NDST4: variants seen among roughly 807,000 people sequenced by gnomAD.
NDST4 encodes the protein N-heparan sulfate sulfotransferase 4.
A neutral mutation model predicts 100.8 loss-of-function variants in NDST4; 63 were observed. That is an observed-to-expected ratio of 0.62 (90% CI 0.51 to 0.77). The LOEUF is 0.77. NDST4 is among the 30% of genes least tolerant of loss of function. The pLI, the probability that NDST4 is intolerant of heterozygous loss-of-function variation, is 0.00. For synonymous variants in NDST4, 377 were observed against 361.8 expected (o/e 1.04, Z -0.48); for missense variants, 943 against 1,018.4 (o/e 0.93, Z 1.01).
At chr4:114,921,125 C>A (rs773649278) in intron 6 of NDST4, among the ~76,000 whole-genome samples, 3 of 152,026 alleles carry the variant, frequency 2.0e-5, no homozygotes, top group Admixed American at 6.6e-5. Context: ...AAAATTAAAA[C>A]ACCTTAAAAC....
At chr4:114,922,643 ATTC>A (rs1725311663) in intron 6 of NDST4, among the ~76,000 whole-genome samples, 1 of 152,142 alleles carries the variant, frequency 6.6e-6, no homozygotes, top group Non-Finnish European at 1.5e-5. Context: ...CCTTGGTCAA[ATTC>A]TTTCTTCTGA....
At chr4:114,951,433 T>C (rs1725987997) in intron 4 of NDST4, among the ~76,000 whole-genome samples, 1 of 152,090 alleles carries the variant, frequency 6.6e-6, no homozygotes, top group African/African-American at 2.4e-5. Context: ...GGCTATTTCA[T>C]GCATCATCAA....
At position 114,877,674 on chromosome 4, in the gene NDST4, C is replaced by T. The variant is rs369300806; in HGVS notation, c.1537-6724G>A. Among the ~76,000 whole-genome samples the T allele has an allele frequency of 1.3e-4, 20 of 152,248 alleles. No individual in the cohort carries two copies. The East Asian group carries it at 3.1e-3, about 24-fold the overall frequency. On this transcript the variant is annotated intron_variant, in intron 6 of 13. Transcript: ENST00000264363. ...CACTTAGAAGGAGAAATAGGCCGGG[C>T]GCAATGGTTCACGCCTGTAATCCCA...
At chr4:115,064,982 A>T (rs1728914745) in intron 2 of NDST4, among the ~76,000 whole-genome samples, 1 of 152,152 alleles carries the variant, frequency 6.6e-6, no homozygotes. Context: ...CCATAAATCA[A>T]ACTCCTCATC....
At chr4:114,884,018 T>C (rs760199357) in intron 6 of NDST4, among the ~76,000 whole-genome samples, 6 of 152,050 alleles carry the variant, frequency 3.9e-5, no homozygotes, top group Non-Finnish European at 8.8e-5. Flanking sequence ...TCATATGAAA[T>C]AGAAGTCAAG....
chr4:115,099,313 C>A, intron 1 of NDST4, among the ~76,000 whole-genome samples: 1 of 151,740 alleles, frequency 6.6e-6, no homozygotes, highest in African/African-American at 2.4e-5. Context: ...AGAATTGATA[C>A]GTTTAACATT....
chr4:115,112,632 A>G (rs1729978274), intron 1 of NDST4, among the ~76,000 whole-genome samples: 1 of 151,934 alleles, frequency 6.6e-6, no homozygotes, highest in Non-Finnish European at 1.5e-5. Context: ...TATTTTATTA[A>G]TCAGGACAAA....
At chr4:114,929,109 CATCCATCTATCTATCTATCTATCT>C (rs1725454433) in intron 6 of NDST4, among the ~76,000 whole-genome samples, 2 of 112,890 alleles carry the variant, frequency 1.8e-5, no homozygotes, top group Non-Finnish European at 3.9e-5. Flanking sequence ...TCCATCCATC[CATCCATCTATCTATCTATCTATCT>C]ATCTATCTAT....
At chr4:115,006,833 T>G (rs1727430090) in intron 2 of NDST4, among the ~76,000 whole-genome samples, 1 of 152,018 alleles carries the variant, frequency 6.6e-6, no homozygotes, top group African/African-American at 2.4e-5. Flanking sequence ...TACAGCACCT[T>G]GGGAACACTT....
intron 7 of NDST4, among the ~76,000 whole-genome samples, chr4:114,865,061 A>ATTT (rs11433053): frequency 6.9e-6 from 1 of 145,052 alleles, no homozygotes; most frequent in African/African-American, 2.6e-5. Context: ...TAGCGCTATC[A>ATTT]TTTTTTTTTC....
chr4:115,068,089 C>A (rs1728990643), intron 2 of NDST4, among the ~76,000 whole-genome samples: 1 of 152,066 alleles, frequency 6.6e-6, no homozygotes, highest in African/African-American at 2.4e-5. Flanking sequence ...GCTGTTGGAA[C>A]TAACTGAAAC....
intron 2 of NDST4, among the ~76,000 whole-genome samples, chr4:115,002,499 A>G (rs1383025639): frequency 6.6e-6 from 1 of 152,154 alleles, no homozygotes; most frequent in Non-Finnish European, 1.5e-5. Context: ...CTTTAGTTTA[A>G]TTAGATCCCA....
intron 1 of NDST4, among the ~76,000 whole-genome samples, chr4:115,092,424 G>A (rs1236032471): frequency 6.6e-6 from 1 of 151,954 alleles, no homozygotes; most frequent in East Asian, 1.9e-4. Context: ...AACGTAAGAA[G>A]CATGTTCAAG....
intron 6 of NDST4, among the ~76,000 whole-genome samples, chr4:114,899,910 C>T (rs1258096304): frequency 6.6e-6 from 1 of 152,078 alleles, no homozygotes; most frequent in East Asian, 1.9e-4. Context: ...TAGAGAATTG[C>T]TGTGATTTTT....
chr4:114,908,518 T>C (rs1032840906), intron 6 of NDST4, among the ~76,000 whole-genome samples: 14 of 141,346 alleles, frequency 9.9e-5, no homozygotes, highest in African/African-American at 4.2e-4. Flanking sequence ...GTTTGTTAGA[T>C]ATAAAATGCT....
chr4:115,039,018 A>G (rs952515226), intron 2 of NDST4, among the ~76,000 whole-genome samples: 2 of 152,174 alleles, frequency 1.3e-5, no homozygotes, highest in Non-Finnish European at 2.9e-5. Context: ...TGTCAGCAGC[A>G]TATCTCTCTG....
intron 4 of NDST4, among the ~76,000 whole-genome samples, chr4:114,963,839 G>T (rs1726320812): frequency 6.6e-6 from 1 of 152,136 alleles, no homozygotes; most frequent in Admixed American, 6.5e-5. Flanking sequence ...GCAATAGTAA[G>T]TGTGAGTTAT....
At chr4:115,095,609 A>G (rs1729603913) in intron 1 of NDST4, among the ~76,000 whole-genome samples, 1 of 152,148 alleles carries the variant, frequency 6.6e-6, no homozygotes. Flanking sequence ...TTCTCCTTAA[A>G]GCAATTACCA....
At chr4:115,031,903 T>C (rs370065833) in intron 2 of NDST4, among the ~76,000 whole-genome samples, 2 of 152,220 alleles carry the variant, frequency 1.3e-5, no homozygotes. Flanking sequence ...CATTCTGTTA[T>C]ATTTGTTATT....
Sources: allele counts gnomAD v4.1 joint callset (sites outside exome capture counted in the v4.1 genomes callset), GRCh38; gene constraint gnomAD v4.1.1; transcripts MANE v1.5; gene names NCBI Gene and HGNC (gene_info 2026-07-23, HGNC 2026-07-21).